AGBL4: variants seen among roughly 807,000 people sequenced by gnomAD.
AGBL4 encodes the protein cytosolic carboxypeptidase 6.
Under a neutral mutation model 66.4 loss-of-function variants are expected in AGBL4, and 58 were observed. That is an observed-to-expected ratio of 0.87 (90% CI 0.71 to 1.09). The LOEUF is 1.09. Among genes scored for constraint, AGBL4 ranks in the 50% least tolerant of loss-of-function variants. AGBL4 has a pLI of 0.00. For missense variants in AGBL4, 579 were observed against 631.0 expected (o/e 0.92, Z 0.88); for synonymous variants, 234 against 222.9 (o/e 1.05, Z -0.44).
At chr1:49,566,611 C>T (rs1644210916) in intron 3 of AGBL4, among the ~76,000 whole-genome samples, 1 of 152,182 alleles carries the variant, frequency 6.6e-6, no homozygotes, top group African/African-American at 2.4e-5. Context: ...TGCAGAACAG[C>T]GGATATTGGT....
intron 1 of AGBL4, among the ~76,000 whole-genome samples, chr1:49,954,815 G>A (rs1261991943): frequency 2.6e-5 from 4 of 151,732 alleles, no homozygotes; most frequent in African/African-American, 9.7e-5. Context: ...TTCAAGGGAG[G>A]TTACAAATGG....
chr1:49,506,325 A>T (rs1231913775), intron 3 of AGBL4, among the ~76,000 whole-genome samples: 3 of 152,058 alleles, frequency 2.0e-5, no homozygotes, highest in East Asian at 1.9e-4. Context: ...ATAGCAAATT[A>T]ACTTTTGTTT....
At chr1:48,755,461 A>G (rs1159513228) in intron 6 of AGBL4, among the ~76,000 whole-genome samples, 1 of 152,224 alleles carries the variant, frequency 6.6e-6, no homozygotes, top group Non-Finnish European at 1.5e-5. Flanking sequence ...TGAGGTGGAC[A>G]AAAAATGAAA....
At chr1:49,157,421 T>C (rs1646454844) in intron 4 of AGBL4, among the ~76,000 whole-genome samples, 1 of 152,200 alleles carries the variant, frequency 6.6e-6, no homozygotes, top group South Asian at 2.1e-4. Flanking sequence ...CTCATCCTTT[T>C]TATGGCTGCA....
rs117269311 is a variant in AGBL4, at chr1:49,252,943, A to G, written c.283-7079T>C. On this transcript the variant is annotated intron_variant, in intron 3 of 13. Transcript: ENST00000371839. ...TGGAAAGAAAAAACTATGACTAGCC[A>G]TGACAAAAACACACTGAAATACACA... Among the ~76,000 whole-genome samples the G allele has an allele frequency of 5.1e-4, 77 of 152,326 alleles. No homozygotes were observed. The East Asian group carries it at 0.014, about 27-fold the overall frequency.
intron 4 of AGBL4, among the ~76,000 whole-genome samples, chr1:49,207,531 CTT>C (rs1173336021): frequency 5.9e-4 from 61 of 103,018 alleles, no homozygotes; most frequent in African/African-American, 8.4e-4. Flanking sequence ...TTCTCTCTTT[CTT>C]TTTCTTTCTT....
chr1:49,401,354 G>A (rs1319934489), intron 3 of AGBL4, among the ~76,000 whole-genome samples: 1 of 152,070 alleles, frequency 6.6e-6, no homozygotes, highest in Non-Finnish European at 1.5e-5. Flanking sequence ...TTAACACATG[G>A]GGATTATCAG....
intron 1 of AGBL4, among the ~76,000 whole-genome samples, chr1:49,951,697 TAGAG>T (rs947966203): frequency 6.6e-6 from 1 of 151,984 alleles, no homozygotes; most frequent in African/African-American, 2.4e-5. Flanking sequence ...TTCTTTAAGA[TAGAG>T]AGAGACTCTT....
At chr1:49,443,879 C>T (rs1406342103) in intron 3 of AGBL4, among the ~76,000 whole-genome samples, 1 of 151,540 alleles carries the variant, frequency 6.6e-6, no homozygotes, top group African/African-American at 2.4e-5. Context: ...GATCTTTCTA[C>T]TTGTTTTATA....
chr1:48,967,948 G>A (rs190186440), intron 5 of AGBL4, among the ~76,000 whole-genome samples: 146 of 152,212 alleles, frequency 9.6e-4, no homozygotes, highest in African/African-American at 2.9e-3. Flanking sequence ...TAACTGACTC[G>A]ACTTTGTTGT....
At chr1:48,836,249 G>T (rs1467624605) in intron 6 of AGBL4, among the ~76,000 whole-genome samples, 3 of 150,362 alleles carry the variant, frequency 2.0e-5, no homozygotes, top group African/African-American at 7.3e-5. Flanking sequence ...CCCTTTCTGG[G>T]GCCTCAGCAT....
intron 3 of AGBL4, among the ~76,000 whole-genome samples, chr1:49,368,507 AG>A (rs1419180492): frequency 6.6e-6 from 1 of 152,064 alleles, no homozygotes; most frequent in East Asian, 1.9e-4. Context: ...GATTAAAGTA[AG>A]GCTCTGAGAG....
At chr1:48,910,277 C>G (rs558290548) in intron 5 of AGBL4, among the ~76,000 whole-genome samples, 21 of 152,310 alleles carry the variant, frequency 1.4e-4, no homozygotes, top group Non-Finnish European at 2.8e-4. Flanking sequence ...TGAAATGCGA[C>G]TGAACCATAA....
At chr1:48,697,375 G>A (rs1646728782) in intron 6 of AGBL4, among the ~76,000 whole-genome samples, 1 of 152,156 alleles carries the variant, frequency 6.6e-6, no homozygotes, top group African/African-American at 2.4e-5. Context: ...TGTTTATGGA[G>A]CCCCTGCCAG....
At chr1:48,546,864 A>ACACACACACACACAC (rs1553185398) in intron 11 of AGBL4, among the ~76,000 whole-genome samples, 19 of 128,292 alleles carry the variant, frequency 1.5e-4, no homozygotes, top group Non-Finnish European at 2.9e-4. Flanking sequence ...AAAACAAACA[A>ACACACACACACACAC]ACACACACAC....
At chr1:49,147,084 G>T (rs1241982396) in intron 4 of AGBL4, among the ~76,000 whole-genome samples, 1 of 152,102 alleles carries the variant, frequency 6.6e-6, no homozygotes, top group African/African-American at 2.4e-5. Context: ...CAGGAGATAG[G>T]TTTTTCTGTC....
intron 3 of AGBL4, among the ~76,000 whole-genome samples, chr1:49,370,622 C>G (rs1305722618): frequency 6.6e-6 from 1 of 152,180 alleles, no homozygotes; most frequent in Non-Finnish European, 1.5e-5. Flanking sequence ...GCCTAGCCAA[C>G]TGACACATAA....
chr1:49,186,679 T>C (rs1647021897), intron 4 of AGBL4, among the ~76,000 whole-genome samples: 1 of 152,144 alleles, frequency 6.6e-6, no homozygotes, highest in Non-Finnish European at 1.5e-5. Context: ...AAATTTACAA[T>C]TGCTTTTTAG....
intron 4 of AGBL4, among the ~76,000 whole-genome samples, chr1:49,160,336 C>G (rs896771479): frequency 6.6e-6 from 1 of 152,164 alleles, no homozygotes; most frequent in African/African-American, 2.4e-5. Flanking sequence ...TGCAGGTCTG[C>G]TGGAGTTTGC....
Sources: gnomAD v4.1 joint callset for allele counts (sites outside exome capture counted in the v4.1 genomes callset) on GRCh38, gnomAD v4.1.1 for gene constraint, MANE v1.5 for transcripts, NCBI Gene and HGNC (gene_info 2026-07-23, HGNC 2026-07-21) for gene names.